The following ARL5B variants were observed in gnomAD, a reference collection of about 807,000 sequenced individuals.
ARL5B encodes ARF like GTPase 5B.
Under a neutral mutation model 26.9 loss-of-function variants are expected in ARL5B, and 10 were observed. The ratio of observed to expected loss-of-function variants is 0.37; its 90% confidence interval spans 0.23 to 0.63. The LOEUF (loss-of-function observed/expected upper bound fraction) is 0.63. Ranked by LOEUF, ARL5B falls within the 30% of genes least tolerant of loss-of-function variation. The probability of loss-of-function intolerance (pLI) is 0.62; values close to 1 mark genes in which losing one functional copy is unlikely to be tolerated. For synonymous variants in ARL5B, 87 were observed against 70.4 expected (o/e 1.24, Z -1.18); for missense variants, 167 against 213.9 (o/e 0.78, Z 1.37).
At chr10:18,662,395 C>T (rs1417908554) in intron 1 of ARL5B, among the ~76,000 whole-genome samples, 18 of 152,054 alleles carry the variant, frequency 1.2e-4, no homozygotes, top group Admixed American at 1.0e-3. Flanking sequence ...TATACTAAAG[C>T]GTGTGTTGTC....
At position 18,673,998 on chromosome 10, in the gene ARL5B, T is replaced by C. The variant is rs1300525589; in HGVS notation, c.354T>C (p.Ala118=). The C allele has an allele frequency of 6.2e-7, 1 of 1,605,484 alleles. No individual in the cohort carries two copies. The highest frequency in any genetic ancestry group is 1.3e-5 in the African/African-American group (1 of 74,352). ...CTTGATTGCAGGATTTACGGAAGGC[T>C]GCAGTCCTTATCTTTGCAAATAAAC... ...RMLAHEDLRK[A]AVLIFANKQD... The change falls in exon 5 of 6, where the codon GCT becomes GCC. Residue 118 remains alanine, a synonymous_variant. Transcript: ENST00000377275.
chr10:18,661,746 G>A (rs2059837839), intron 1 of ARL5B, among the ~76,000 whole-genome samples: 2 of 152,330 alleles, frequency 1.3e-5, no homozygotes, highest in East Asian at 1.9e-4. Flanking sequence ...GTAATGTAAT[G>A]ATGAGTAGGA....
At position 18,664,615 on chromosome 10, in the gene ARL5B, T is replaced by C. The variant is rs12220456; in HGVS notation, c.47-1960T>C. On this transcript the variant is annotated intron_variant, in intron 1 of 5. Coordinates refer to ENST00000377275, the MANE Select transcript of ARL5B (RefSeq NM_178815.5). ...ACCATGCCCGGCTAATTTTTTTGTA[T>C]TTTTTGTAGAGACAGGGTTTCACCG... Among the ~76,000 whole-genome samples, 4 of 151,838 alleles carry C rather than the reference T, an allele frequency of 2.6e-5. No individual in the cohort carries two copies. In the South Asian group the frequency reaches 8.3e-4, roughly 32 times the overall value.
intron 1 of ARL5B, among the ~76,000 whole-genome samples, chr10:18,664,851 A>T (rs950462281): frequency 3.3e-5 from 5 of 152,178 alleles, no homozygotes; most frequent in African/African-American, 4.8e-5. Context: ...GAAGCATCAT[A>T]GTGCAAAAGT....
rs2131657944 is a variant in ARL5B, at chr10:18,681,300, T to C, written c.*6084T>C. ...AAACAAGTAAATTAATGCATTCACA[T>C]GATCACTTCTTGAAAATGGTTCAAA... is the stretch of plus-strand genomic sequence containing the variant. On this transcript the variant is annotated 3_prime_UTR_variant, in exon 6 of 6. Coordinates refer to ENST00000377275, the MANE Select transcript of ARL5B (RefSeq NM_178815.5). 1 of 152,352 alleles carries C rather than the reference T, an allele frequency of 6.6e-6. No homozygotes were observed. Among genetic ancestry groups the C allele is most frequent in the East Asian group, 1.9e-4 (1 of 5,186 alleles). 9.4% of individuals were successfully genotyped at this position (152,352 alleles called of 1,614,324 possible). A position where few individuals can be genotyped will look rare whatever the true frequency, so the allele number is the denominator to read the frequency against.
At chr10:18,662,088 T>C (rs1169159182) in intron 1 of ARL5B, among the ~76,000 whole-genome samples, 4 of 152,216 alleles carry the variant, frequency 2.6e-5, no homozygotes, top group Non-Finnish European at 5.9e-5. Context: ...TAACTACCAA[T>C]CTCAGCATTT....
In ARL5B at chr10:18,678,548, G is replaced by A. The variant is rs553201299; in HGVS notation, c.*3332G>A. ...AACAAATTATAAACATAATCATTCT[G>A]AATAATCAATTTTTATTTAGTCCTT... On this transcript the variant is annotated 3_prime_UTR_variant, in exon 6 of 6. Coordinates refer to ENST00000377275, the MANE Select transcript of ARL5B (RefSeq NM_178815.5). The A allele has an allele frequency of 2.8e-4, 43 of 151,824 alleles. No homozygotes were observed. Among genetic ancestry groups the A allele is most frequent in the African/African-American group, 9.4e-4 (39 of 41,476 alleles). The allele number at this position is 151,824 out of a possible 1,614,324, so 9.4% of individuals were successfully genotyped here. A position where few individuals can be genotyped will look rare whatever the true frequency, so the allele number is the denominator to read the frequency against.
At chr10:18,665,663 C>T (rs529383643) in intron 1 of ARL5B, among the ~76,000 whole-genome samples, 1 of 152,286 alleles carries the variant, frequency 6.6e-6, no homozygotes, top group South Asian at 2.1e-4. Context: ...TGTGCCCAAT[C>T]GTTGCCTACA....
chr10:18,666,544 T>A, intron 1 of ARL5B, 31 bp from the exon 2 acceptor site: 1 of 1,566,096 alleles, frequency 6.4e-7, no homozygotes, highest in Non-Finnish European at 8.7e-7. Flanking sequence ...GCAGTAGTGT[T>A]AAATGTTTAT....
In ARL5B at chr10:18,675,732, GATAT is replaced by G. The variant is rs1400833186; in HGVS notation, c.*519_*522del. 1 of 153,588 alleles carries G rather than the reference GATAT, an allele frequency of 6.5e-6. No individual in the cohort carries two copies. Among genetic ancestry groups the G allele is most frequent in the Admixed American group, 6.4e-5 (1 of 15,518 alleles). 9.5% of individuals were successfully genotyped at this position (153,588 alleles called of 1,614,324 possible). ...TGTAAAGAAAGAAATCTGCCTAGAG[GATAT>G]ATGTAAGGAAGATTCCACATCATGA... is the stretch of plus-strand genomic sequence containing the variant. On this transcript the variant is annotated 3_prime_UTR_variant, in exon 6 of 6. Transcript: ENST00000377275.
At chr10:18,666,692 C>G in intron 2 of ARL5B, 57 bp downstream of exon 2, 1 of 1,390,192 alleles carries the variant, frequency 7.2e-7, no homozygotes, top group Non-Finnish European at 9.9e-7. Context: ...AATGTGTTTA[C>G]AATTAATAAG....
chr10:18,673,303 G>T (rs188342712), intron 4 of ARL5B, among the ~76,000 whole-genome samples: 1 of 151,814 alleles, frequency 6.6e-6, no homozygotes, highest in African/African-American at 2.4e-5. Flanking sequence ...GTCGTTATCC[G>T]CCTGCCTCAG....
At position 18,679,810 on chromosome 10, in the gene ARL5B, T is replaced by C. The variant is rs1046891529; in HGVS notation, c.*4594T>C. 5 of 151,918 alleles carry C rather than the reference T, an allele frequency of 3.3e-5. No homozygotes were observed. The highest frequency in any genetic ancestry group is 7.4e-5 in the Non-Finnish European group (5 of 67,862). The allele number at this position is 151,918 out of a possible 1,614,324, so 9.4% of individuals were successfully genotyped here. ...TGAGGTCGAAAAAACTTCAAAAGGA[T>C]ATTAGGTAAGAGAAAATGTGAATGA... On this transcript the variant is annotated 3_prime_UTR_variant, in exon 6 of 6. Coordinates refer to ENST00000377275, the MANE Select transcript of ARL5B (RefSeq NM_178815.5).
intron 3 of ARL5B, among the ~76,000 whole-genome samples, chr10:18,669,333 A>G (rs1177364939): frequency 2.0e-5 from 3 of 152,168 alleles, no homozygotes; most frequent in Non-Finnish European, 4.4e-5. Context: ...AGATCTCACA[A>G]CTTTCTAAGA....
chr10:18,673,745 T>C (rs2059898274), intron 4 of ARL5B, among the ~76,000 whole-genome samples: 1 of 152,130 alleles, frequency 6.6e-6, no homozygotes, highest in African/African-American at 2.4e-5. Context: ...GAGTCAGTAT[T>C]TAAAATTCAG....
intron 3 of ARL5B, 30 bp downstream of exon 3, chr10:18,668,707 C>G: frequency 6.2e-7 from 1 of 1,606,724 alleles, no homozygotes. Context: ...GAATTTTAAT[C>G]CAAAGGTCCC....
At chr10:18,660,365 C>G (rs934201021) in intron 1 of ARL5B, among the ~76,000 whole-genome samples, 1 of 152,122 alleles carries the variant, frequency 6.6e-6, no homozygotes, top group Admixed American at 6.5e-5. Flanking sequence ...AAAACCTGTT[C>G]TGAATCAGAA....
At position 18,666,562 on chromosome 10, in the gene ARL5B, T is replaced by C. The variant is rs1590225599; in HGVS notation, c.47-13T>C. 1.9e-6 allele frequency: 3 copies of C among 1,599,924 alleles called. No homozygotes were observed. Among genetic ancestry groups the C allele is most frequent in the Non-Finnish European group, 2.6e-6 (3 of 1,173,126 alleles). Reference sequence around the variant, plus strand: ...GTAGTGTTAAATGTTTATGATTTGCTTTCTTTTTGTAGAACACAAAGTAAT... The same window carrying C: ...GTAGTGTTAAATGTTTATGATTTGCCTTCTTTTTGTAGAACACAAAGTAAT... On this transcript the variant is annotated splice_polypyrimidine_tract_variant and intron_variant, in intron 1 of 5. Transcript: ENST00000377275.
At chr10:18,668,253 C>T (rs2059870336) in intron 2 of ARL5B, among the ~76,000 whole-genome samples, 1 of 151,878 alleles carries the variant, frequency 6.6e-6, no homozygotes, top group South Asian at 2.1e-4. Flanking sequence ...GAATTTTTGG[C>T]CACAGAAATG....
Sources: allele counts gnomAD v4.1 joint callset (sites outside exome capture counted in the v4.1 genomes callset), GRCh38; gene constraint gnomAD v4.1.1; transcripts MANE v1.5; gene names NCBI Gene and HGNC (gene_info 2026-07-23, HGNC 2026-07-21).